The following CYP24A1 variants were observed in gnomAD, a reference collection of about 807,000 sequenced individuals.
CYP24A1 encodes the protein 1,25-dihydroxyvitamin D(3) 24-hydroxylase, mitochondrial.
CYP24A1 carries 68 observed loss-of-function variants against 62.4 expected under a neutral mutation model. That is an observed-to-expected ratio of 1.09 (90% CI 0.90 to 1.33). CYP24A1 has a LOEUF of 1.33. CYP24A1 is among the 40% of genes most tolerant of loss of function. CYP24A1 has a pLI of 0.00. For missense variants in CYP24A1, 787 were observed against 653.0 expected (o/e 1.21, Z -2.24); for synonymous variants, 267 against 253.0 (o/e 1.06, Z -0.52).
rs1041572344 is a variant in CYP24A1 at position 54,159,030 on chromosome 20, C to G, written c.1084G>C (p.Glu362Gln). The G allele has an allele frequency of 1.9e-6, 3 of 1,614,190 alleles. No individual in the cohort carries two copies. The highest frequency in any genetic ancestry group is 2.5e-6 in the Non-Finnish European group (3 of 1,180,036). The stretch of plus-strand genomic sequence containing the variant: ...TCTTCTGCCCGTGGCACCTGATTCT[C>G]AGGTAATACACTTTGAATTTCCTTA... ...LLKEIQSVLP[E>Q]NQVPRAEDLR... Residue 362 changes from glutamate to glutamine, a missense_variant, in exon 8 of 12, where the codon GAG becomes CAG. Coordinates refer to ENST00000216862, the MANE Select transcript of CYP24A1 (RefSeq NM_000782.5).
rs4809958 is a variant in CYP24A1, at chr20:54,165,899, T to G, written c.641-66A>C. On this transcript the variant is annotated intron_variant, in intron 4 of 11. Transcript: ENST00000216862. ...GCTGGAGTTGGAGTCTATGTTTAGC[T>G]GGTTATTAAAGACTCAATTCTATGC... 0.17 allele frequency: 148,188 copies of G among 890,584 alleles called. 14,014 individuals are homozygous for G. The highest frequency in any genetic ancestry group is 0.39 in the East Asian group (16,150 of 41,750). 55.2% of individuals were successfully genotyped at this position (890,584 alleles called of 1,614,324 possible).
At chr20:54,172,845 T>C (rs1268432446) in intron 2 of CYP24A1, 64 bp downstream of exon 2, 1 of 1,609,732 alleles carries the variant, frequency 6.2e-7, no homozygotes, top group Admixed American at 1.7e-5. Context: ...CTCTTCACAA[T>C]TTCCAGGCGC....
At position 54,165,786 on chromosome 20, in the gene CYP24A1, T is replaced by G. The variant is rs751551165; in HGVS notation, c.688A>C (p.Asn230His). Residue 230 changes from asparagine (N) to histidine (H), a missense_variant, in exon 5 of 12, where the codon AAT becomes CAT. By Grantham distance (68) the Asn-to-His change is moderately conservative. Coordinates refer to ENST00000216862, the MANE Select transcript of CYP24A1 (RefSeq NM_000782.5). ...YEKRFGLLQK[N>H]AGDEAVNFIM... ...AAGTTCACAGCTTCATCCCCTGCAT[T>G]CTTCTGGAGAAGCCCAAATCTCTTC... is the stretch of plus-strand genomic sequence containing the variant. 4.5e-6 allele frequency: 7 copies of G among 1,546,416 alleles called. No individual in the cohort carries two copies. The Admixed American group carries it at 8.3e-5, about 18-fold the overall frequency.
chr20:54,156,498 A>G (rs556471602), intron 11 of CYP24A1, among the ~76,000 whole-genome samples: 1 of 152,284 alleles, frequency 6.6e-6, no homozygotes, highest in South Asian at 2.1e-4. Context: ...AAAAATAAAG[A>G]CTTCAGTCCT....
At chr20:54,161,715 T>C (rs748005572) in intron 7 of CYP24A1, among the ~76,000 whole-genome samples, 15 of 152,098 alleles carry the variant, frequency 9.9e-5, no homozygotes, top group Non-Finnish European at 1.9e-4. Context: ...CTTTGATCAC[T>C]GGAAGGAGCC....
chr20:54,166,564 C>T (rs746339151), intron 4 of CYP24A1, among the ~76,000 whole-genome samples: 3 of 152,142 alleles, frequency 2.0e-5, no homozygotes, highest in African/African-American at 7.2e-5. Flanking sequence ...GTCACTTCAC[C>T]GTTAAATACT....
At position 54,153,863 on chromosome 20, in the gene CYP24A1, C is replaced by T. The variant is rs1404937273; in HGVS notation, c.*909G>A. On this transcript the variant is annotated 3_prime_UTR_variant, in exon 12 of 12. Coordinates refer to ENST00000216862, the MANE Select transcript of CYP24A1 (RefSeq NM_000782.5). Reference sequence around the variant, plus strand: ...AGATCTCTAACTTTTGCATGCTTTACACTTGTCCCATTTAATAGACAGAAA... The same window carrying T: ...AGATCTCTAACTTTTGCATGCTTTATACTTGTCCCATTTAATAGACAGAAA... The T allele has an allele frequency of 2.0e-5, 3 of 152,566 alleles. No individual in the cohort carries two copies. Among genetic ancestry groups the T allele is most frequent in the Admixed American group, 2.0e-4 (3 of 15,266 alleles). 9.5% of individuals were successfully genotyped at this position (152,566 alleles called of 1,614,324 possible).
At chr20:54,170,826 C>T (rs2092691423) in intron 3 of CYP24A1, among the ~76,000 whole-genome samples, 1 of 152,102 alleles carries the variant, frequency 6.6e-6, no homozygotes, top group Non-Finnish European at 1.5e-5. Context: ...CTATATGATC[C>T]CATCTGGGGA....
intron 5 of CYP24A1, 59 bp from the exon 6 acceptor site, chr20:54,164,622 C>A: frequency 1.9e-6 from 3 of 1,612,986 alleles, no homozygotes; most frequent in East Asian, 2.2e-5. Context: ...AGACAATGTT[C>A]GTTCTGGAAG....
Position 54,157,297 on chromosome 20 carries a change from G to A in CYP24A1, c.1435-8C>T. The A allele has an allele frequency of 6.5e-7, 1 of 1,549,334 alleles. No homozygotes were observed. The highest frequency in any genetic ancestry group is 8.9e-7 in the Non-Finnish European group (1 of 1,121,172). ...GTCGTATTTGCGGACAATCTGTAAT[G>A]CACACGCACACAAAAACAGAATTAC... On this transcript the variant is annotated splice_polypyrimidine_tract_variant and splice_region_variant and intron_variant, in intron 10 of 11. Coordinates refer to ENST00000216862, the MANE Select transcript of CYP24A1 (RefSeq NM_000782.5).
intron 4 of CYP24A1, among the ~76,000 whole-genome samples, chr20:54,166,234 GGAAGA>G (rs1307351217): frequency 1.3e-5 from 2 of 152,104 alleles, no homozygotes; most frequent in African/African-American, 4.8e-5. Context: ...ATTCACCAGA[GGAAGA>G]GAAGGGAAGG....
intron 3 of CYP24A1, among the ~76,000 whole-genome samples, chr20:54,170,727 C>G (rs1171377395): frequency 6.6e-6 from 1 of 152,138 alleles, no homozygotes; most frequent in African/African-American, 2.4e-5. Context: ...CATGCACTAT[C>G]ACGTTTCCTG....
intron 3 of CYP24A1, among the ~76,000 whole-genome samples, chr20:54,171,281 C>T (rs190345412): frequency 7.0e-4 from 106 of 152,248 alleles, no homozygotes; most frequent in Non-Finnish European, 1.3e-3. Flanking sequence ...ATAGCCAGGT[C>T]TCATAGCCAG....
At chr20:54,171,932 G>A (rs2092695487) in intron 2 of CYP24A1, 2 of 815,976 alleles carry the variant, frequency 2.5e-6, no homozygotes, top group African/African-American at 3.5e-5. Context: ...GATAATTTGG[G>A]TTCAGGGATT....
At chr20:54,157,950 T>C (rs1250462764) in intron 9 of CYP24A1, 136 bp downstream of exon 9, 5 of 1,438,026 alleles carry the variant, frequency 3.5e-6, no homozygotes, top group Non-Finnish European at 4.7e-6. Flanking sequence ...CTATGCAACA[T>C]GTCAACTATT....
chr20:54,145,696 C>T, the CYP24A1 span, among the ~76,000 whole-genome samples: 1 of 151,944 alleles, frequency 6.6e-6, no homozygotes, highest in Non-Finnish European at 1.5e-5. Flanking sequence ...ACGAGGGCCT[C>T]CCCAACACAA....
intron 7 of CYP24A1, among the ~76,000 whole-genome samples, chr20:54,162,231 T>TG (rs1375964607): frequency 1.6e-5 from 1 of 64,402 alleles, no homozygotes; most frequent in African/African-American, 4.1e-5. Context: ...TTTTTTTTTT[T>TG]TTTTTTTTTT....
chr20:54,162,220 C>CTTTTTTT lies in CYP24A1; in HGVS notation c.990+490_990+496dup, dbSNP rs530338632. 9.5e-4 allele frequency among the ~76,000 whole-genome samples: 69 copies of CTTTTTTT among 72,540 alleles called. 3 individuals carry two copies. The highest frequency in any genetic ancestry group is 4.1e-3 in the African/African-American group (65 of 15,872). 47.6% of individuals were successfully genotyped at this position (72,540 alleles called of 152,430 possible). On this transcript the variant is annotated intron_variant, in intron 7 of 11. Transcript: ENST00000216862. ...ATTATTGGCTTGAAAGAGAGTATGCCTTTTTTTTTTTTTTTTTTTTTTTTT... is the reference window on the plus strand; with the variant it reads ...ATTATTGGCTTGAAAGAGAGTATGCCTTTTTTTTTTTTTTTTTTTTTTTTTTTTTTTT...
In CYP24A1 at chr20:54,173,377, C is replaced by T. The variant is rs2092701709; in HGVS notation, c.203G>A (p.Gly68Asp). The change falls in exon 1 of 12, where the codon GGC (glycine) becomes GAC (aspartate). Residue 68 changes from glycine to aspartate, a missense_variant. Physicochemically the swap from Gly to Asp is moderately conservative, Grantham distance 94. Transcript: ENST00000216862. The surrounding 1 kb of genome is among the most constrained non-coding windows in gnomAD (Gnocchi z 7.2). ...TTTCCAGAGAATCTGCAGCAGGCTGCCCAGCAGTGGCCAGCTGGTGGGGCC... is the reference window on the plus strand; with the variant it reads ...TTTCCAGAGAATCTGCAGCAGGCTGTCCAGCAGTGGCCAGCTGGTGGGGCC... ...LPGPTSWPLLGSLLQILWKGG... is the reference protein window; with the variant it reads ...LPGPTSWPLLDSLLQILWKGG... 1.3e-6 allele frequency: 2 copies of T among 1,597,506 alleles called. No individual in the cohort carries two copies. Among genetic ancestry groups the T allele is most frequent in the Non-Finnish European group, 1.7e-6 (2 of 1,170,150 alleles).
Sources: gnomAD v4.1 joint callset for allele counts (sites outside exome capture counted in the v4.1 genomes callset) on GRCh38, gnomAD v4.1.1 for gene constraint, Gnocchi (gnomAD v3.1) non-coding constraint, MANE v1.5 for transcripts, NCBI Gene and HGNC (gene_info 2026-07-23, HGNC 2026-07-21) for gene names.